KCNQ1: variants seen among roughly 807,000 people sequenced by gnomAD.
The protein encoded by KCNQ1 is potassium voltage-gated channel subfamily KQT member 1.
Under a neutral mutation model 72.4 loss-of-function variants are expected in KCNQ1, and 49 were observed. The ratio of observed to expected loss-of-function variants is 0.68; its 90% confidence interval spans 0.54 to 0.86. The LOEUF is 0.86. Among genes scored for constraint, KCNQ1 ranks in the 40% least tolerant of loss-of-function variants. The pLI is 0.00. For missense variants in KCNQ1, 790 were observed against 945.1 expected (o/e 0.84, Z 2.15); for synonymous variants, 450 against 412.6 (o/e 1.09, Z -1.10).
chr11:2,824,935 T>G lies in KCNQ1; in HGVS notation c.1795-22832T>G, dbSNP rs987371816. 6.6e-6 allele frequency among the ~76,000 whole-genome samples: 1 copy of G among 152,164 alleles called. No individual in the cohort carries two copies. The highest frequency in any genetic ancestry group is 2.4e-5 in the African/African-American group (1 of 41,440). On this transcript the variant is annotated intron_variant, in intron 15 of 15. Transcript: ENST00000155840. The surrounding 1 kb of genome is among the most constrained non-coding windows in gnomAD (Gnocchi z 5.9). ...TTCCCAGTGAGTTCTGGGGCCTCAG[T>G]GACTGGGCAAGGACAGGGGCGTTTG...
chr11:2,684,920 C>T (rs1298556296), intron 11 of KCNQ1: 1 of 398,504 alleles, frequency 2.5e-6, no homozygotes, highest in Non-Finnish European at 4.4e-6. Context: ...AGTTTGTGTC[C>T]CTGATCCATG....
chr11:2,730,799 C>T lies in KCNQ1; in HGVS notation c.1515-38045C>T, dbSNP rs1381245865. On this transcript the variant is annotated intron_variant, in intron 11 of 15. Coordinates refer to ENST00000155840, the MANE Select transcript of KCNQ1 (RefSeq NM_000218.3). Reference sequence around the variant, plus strand: ...CTTCAGTAATGGTGGTTTCGAAGGGCAGAGGAGGGAAGAATGGAGGGATGG... The same window carrying T: ...CTTCAGTAATGGTGGTTTCGAAGGGTAGAGGAGGGAAGAATGGAGGGATGG... Among the ~76,000 whole-genome samples the T allele has an allele frequency of 5.9e-5, 9 of 152,292 alleles. No homozygotes were observed. The South Asian group carries it at 6.2e-4, about 11-fold the overall frequency.
At chr11:2,708,988 A>G (rs1231728258) in intron 11 of KCNQ1, among the ~76,000 whole-genome samples, 1 of 152,000 alleles carries the variant, frequency 6.6e-6, no homozygotes, top group African/African-American at 2.4e-5. Context: ...GTTTATAATC[A>G]GAGAAGCATA....
At chr11:2,847,187 T>TC (rs1172565094) in intron 15 of KCNQ1, among the ~76,000 whole-genome samples, 1 of 148,384 alleles carries the variant, frequency 6.7e-6, no homozygotes, top group African/African-American at 2.5e-5. Context: ...AGCAGGGGCA[T>TC]CCCCTGCACA....
intron 2 of KCNQ1, among the ~76,000 whole-genome samples, chr11:2,560,493 TG>T (rs1230464756): frequency 1.6e-5 from 1 of 61,510 alleles, no homozygotes; most frequent in African/African-American, 7.0e-5. Flanking sequence ...GGGCGGGTGA[TG>T]TTCATCCTTG....
In KCNQ1 at chr11:2,627,436, C is replaced by T. The variant is rs1353590855; in HGVS notation, c.1394-34525C>T. 2.5e-6 allele frequency: 1 copy of T among 398,324 alleles called. No individual in the cohort carries two copies. Among genetic ancestry groups the T allele is most frequent in the Non-Finnish European group, 4.4e-6 (1 of 226,010 alleles). 24.7% of individuals were successfully genotyped at this position (398,324 alleles called of 1,614,324 possible). On this transcript the variant is annotated intron_variant, in intron 10 of 15. Transcript: ENST00000155840. The surrounding 1 kb of genome is among the most constrained non-coding windows in gnomAD (Gnocchi z 4.9). ...TTCATCTGATAACTCTATGTTTGTA[C>T]CCTTCAACATTTCCTATTTCCCCTA...
At chr11:2,660,714 GCTTCATTCAACA>G (rs1184611504) in intron 10 of KCNQ1, 2 of 398,614 alleles carry the variant, frequency 5.0e-6, no homozygotes, top group Non-Finnish European at 8.8e-6. Flanking sequence ...CTTCATTCGG[GCTTCATTCAACA>G]CTTCATTCAG....
intron 1 of KCNQ1, among the ~76,000 whole-genome samples, chr11:2,460,736 G>A (rs1030466723): frequency 1.3e-5 from 2 of 152,232 alleles, no homozygotes; most frequent in Non-Finnish European, 2.9e-5. Context: ...CCCCCCATCC[G>A]GGTGGCTGTG....
intron 11 of KCNQ1, among the ~76,000 whole-genome samples, chr11:2,705,307 G>T (rs1850888842): frequency 6.6e-6 from 1 of 152,032 alleles, no homozygotes; most frequent in Non-Finnish European, 1.5e-5. Context: ...ACGGGGTGTG[G>T]GCCAGTTCCC....
Position 2,626,268 on chromosome 11 carries a change from T to C in KCNQ1, c.1394-35693T>C. On this transcript the variant is annotated intron_variant, in intron 10 of 15. Coordinates refer to ENST00000155840, the MANE Select transcript of KCNQ1 (RefSeq NM_000218.3). This position sits in a 1 kb window ranked among gnomAD's most constrained non-coding sequence, Gnocchi z 4.0. ...TCTCAACTTCATTCTCTTTTATACA[T>C]GGTTAGGTAAGGATCTCAACTTCAT... 1 of 398,484 alleles carries C rather than the reference T, an allele frequency of 2.5e-6. No individual in the cohort carries two copies. Among genetic ancestry groups the C allele is most frequent in the Non-Finnish European group, 4.4e-6 (1 of 226,048 alleles). 24.7% of individuals were successfully genotyped at this position (398,484 alleles called of 1,614,324 possible).
At chr11:2,587,321 C>T (rs1215358788) in intron 8 of KCNQ1, among the ~76,000 whole-genome samples, 2 of 152,186 alleles carry the variant, frequency 1.3e-5, no homozygotes, top group Admixed American at 6.5e-5. Context: ...CTGTGGTGTC[C>T]CAGCTGTGGG....
Position 2,848,149 on chromosome 11 carries a change from C to G in KCNQ1, c.*146C>G. Reference sequence around the variant, plus strand: ...AGGCCCCAATACCCCATGGACCATGCTGTCTGGCACAGCCTGCACTTGGGG... The same window carrying G: ...AGGCCCCAATACCCCATGGACCATGGTGTCTGGCACAGCCTGCACTTGGGG... On this transcript the variant is annotated 3_prime_UTR_variant, in exon 16 of 16. Coordinates refer to ENST00000155840, the MANE Select transcript of KCNQ1 (RefSeq NM_000218.3). 2 of 773,046 alleles carry G rather than the reference C, an allele frequency of 2.6e-6. No individual in the cohort carries two copies. Among genetic ancestry groups the G allele is most frequent in the Non-Finnish European group, 4.4e-6 (2 of 457,066 alleles). The allele number at this position is 773,046 out of a possible 1,614,324, so 47.9% of individuals were successfully genotyped here.
At chr11:2,580,183 C>G (rs979786831) in intron 6 of KCNQ1, among the ~76,000 whole-genome samples, 2 of 152,250 alleles carry the variant, frequency 1.3e-5, no homozygotes, top group Middle Eastern at 3.4e-3. Context: ...TGGCCTCCCC[C>G]AACTGCTTGC....
intron 11 of KCNQ1, chr11:2,680,048 C>G: frequency 2.5e-6 from 1 of 396,256 alleles, no homozygotes; most frequent in African/African-American, 2.1e-5. Context: ...CATCTGCCAC[C>G]ATGACTGGCT....
At position 2,451,519 on chromosome 11, in the gene KCNQ1, C is replaced by T. The variant is rs1014266559; in HGVS notation, c.386+6035C>T. On this transcript the variant is annotated intron_variant, in intron 1 of 15. Coordinates refer to ENST00000155840, the MANE Select transcript of KCNQ1 (RefSeq NM_000218.3). The surrounding 1 kb of genome is among the most constrained non-coding windows in gnomAD (Gnocchi z 6.4). ...GTCATTGCCCTTGGAGGGTTCTGAG[C>T]ACTGGAAGGACCTGGCTGTGGTCCC... 3.3e-5 allele frequency among the ~76,000 whole-genome samples: 5 copies of T among 152,184 alleles called. No individual in the cohort carries two copies. The highest frequency in any genetic ancestry group is 7.3e-5 in the Non-Finnish European group (5 of 68,030).
chr11:2,517,352 C>T (rs1445409266), intron 1 of KCNQ1, among the ~76,000 whole-genome samples: 1 of 152,124 alleles, frequency 6.6e-6, no homozygotes, highest in African/African-American at 2.4e-5. Flanking sequence ...TCCTGGGACA[C>T]CCTGGAGGGC....
intron 1 of KCNQ1, among the ~76,000 whole-genome samples, chr11:2,496,953 G>A (rs565586123): frequency 3.3e-5 from 5 of 152,222 alleles, no homozygotes; most frequent in African/African-American, 1.2e-4. Flanking sequence ...ATGAAATTCT[G>A]CTTGAAAATT....
In KCNQ1 at chr11:2,623,734, CTG is replaced by C; in HGVS notation, c.1393+34883_1393+34884del. ...ACAAATAAAGCTTCTGTAAACATCT[CTG>C]TGCAGATTTTTATGTGAATATAAGT... On this transcript the variant is annotated intron_variant, in intron 10 of 15. Transcript: ENST00000155840. This position sits in a 1 kb window ranked among gnomAD's most constrained non-coding sequence, Gnocchi z 5.2. 1 of 398,528 alleles carries C rather than the reference CTG, an allele frequency of 2.5e-6. No individual in the cohort carries two copies. Among genetic ancestry groups the C allele is most frequent in the Non-Finnish European group, 4.4e-6 (1 of 226,028 alleles). The allele number at this position is 398,528 out of a possible 1,614,324, so 24.7% of individuals were successfully genotyped here. A position where few individuals can be genotyped will look rare whatever the true frequency, so the allele number is the denominator to read the frequency against.
chr11:2,725,297 C>T lies in KCNQ1; in HGVS notation c.1515-43547C>T, dbSNP rs1440255822. 2.0e-5 allele frequency among the ~76,000 whole-genome samples: 3 copies of T among 152,208 alleles called. No homozygotes were observed. The highest frequency in any genetic ancestry group is 4.8e-5 in the African/African-American group (2 of 41,444). On this transcript the variant is annotated intron_variant, in intron 11 of 15. Transcript: ENST00000155840. This position sits in a 1 kb window ranked among gnomAD's most constrained non-coding sequence, Gnocchi z 7.2. Reference sequence around the variant, plus strand: ...CACTCCAGGGTCGGGGGCTCAGCCACGGGACCAGCGCTTGCCAGAAATGTT... The same window carrying T: ...CACTCCAGGGTCGGGGGCTCAGCCATGGGACCAGCGCTTGCCAGAAATGTT...
Sources: gnomAD v4.1 joint callset for allele counts (sites outside exome capture counted in the v4.1 genomes callset) on GRCh38, gnomAD v4.1.1 for gene constraint, Gnocchi (gnomAD v3.1) non-coding constraint, MANE v1.5 for transcripts, NCBI Gene and HGNC (gene_info 2026-07-23, HGNC 2026-07-21) for gene names.